Variants in SLC1A6 observed in about 807,000 individuals in gnomAD.
The protein encoded by SLC1A6 is solute carrier family 1 member 6.
A neutral mutation model predicts 42.1 loss-of-function variants in SLC1A6; 15 were observed. That is an observed-to-expected ratio of 0.36 (90% CI 0.24 to 0.55). The LOEUF is 0.55. Ranked by LOEUF, SLC1A6 falls within the 20% of genes least tolerant of loss-of-function variation. SLC1A6 has a pLI of 0.88. For missense variants in SLC1A6, 542 were observed against 772.5 expected (o/e 0.70, Z 3.54); for synonymous variants, 317 against 319.7 (o/e 0.99, Z 0.09).
rs1249181280 is a variant in SLC1A6, at chr19:14,964,253, C to G, written c.591+66G>C. 3 of 1,368,956 alleles carry G rather than the reference C, an allele frequency of 2.2e-6. No individual in the cohort carries two copies. In the African/African-American group the frequency reaches 4.3e-5, roughly 19 times the overall value. The allele number at this position is 1,368,956 out of a possible 1,614,324, so 84.8% of individuals were successfully genotyped here. On this transcript the variant is annotated intron_variant, in intron 5 of 9. Coordinates refer to ENST00000594383, the MANE Select transcript of SLC1A6 (RefSeq NM_005071.3). ...CTCCCGCCTCTTGCCCTTGGACCATCCCTTCAGCCCCAAGCTCCCACCACC... is the reference window on the plus strand; with the variant it reads ...CTCCCGCCTCTTGCCCTTGGACCATGCCTTCAGCCCCAAGCTCCCACCACC...
At chr19:14,996,859 T>G (rs1381249483) in intron 1 of SLC1A6, among the ~76,000 whole-genome samples, 4 of 151,814 alleles carry the variant, frequency 2.6e-5, no homozygotes, top group African/African-American at 9.7e-5. Flanking sequence ...CTCCAGGAGG[T>G]AGAAAGGATG....
chr19:14,976,945 G>A (rs897236126), intron 1 of SLC1A6: 1 of 151,004 alleles, frequency 6.6e-6, no homozygotes, highest in African/African-American at 2.4e-5. Flanking sequence ...GTCCTCTAGA[G>A]CTAATCCAAA....
intron 7 of SLC1A6, among the ~76,000 whole-genome samples, chr19:14,955,401 C>T (rs886307441): frequency 5.3e-5 from 8 of 151,638 alleles, no homozygotes; most frequent in African/African-American, 1.9e-4. Flanking sequence ...GCCAACATGG[C>T]AAAACCCCGT....
intron 1 of SLC1A6, among the ~76,000 whole-genome samples, chr19:14,986,097 AG>A (rs1479582403): frequency 9.4e-6 from 1 of 106,526 alleles, no homozygotes; most frequent in Non-Finnish European, 1.9e-5. Context: ...TCACACAAGC[AG>A]TAATTTTTTT....
At chr19:14,960,255 A>G (rs1342263329) in intron 6 of SLC1A6, among the ~76,000 whole-genome samples, 2 of 152,254 alleles carry the variant, frequency 1.3e-5, no homozygotes, top group East Asian at 3.8e-4. Flanking sequence ...GAATAAATGA[A>G]TGAAAGAATA....
chr19:14,964,905 C>T (rs1368191341), intron 4 of SLC1A6, among the ~76,000 whole-genome samples: 1 of 151,996 alleles, frequency 6.6e-6, no homozygotes. Context: ...GAACAGCCAT[C>T]ATTAAAGAGT....
intron 2 of SLC1A6, 109 bp downstream of exon 2, chr19:14,972,597 G>A (rs902917822): frequency 1.4e-5 from 12 of 851,570 alleles, no homozygotes; most frequent in Non-Finnish European, 2.3e-5. Flanking sequence ...TGGGACGTGT[G>A]TGCAGGTGAG....
intron 8 of SLC1A6, among the ~76,000 whole-genome samples, chr19:14,953,884 C>T (rs1193438887): frequency 1.3e-5 from 2 of 152,190 alleles, no homozygotes; most frequent in African/African-American, 2.4e-5. Flanking sequence ...TTGGAAAACA[C>T]TGGACAAATG....
chr19:15,004,033 G>A (rs547156354), intron 1 of SLC1A6, among the ~76,000 whole-genome samples: 1 of 152,086 alleles, frequency 6.6e-6, no homozygotes, highest in African/African-American at 2.4e-5. Context: ...GTGGGCCCCT[G>A]TAGTCCCAGC....
At chr19:14,983,121 CA>C (rs1332722975), upstream of SLC1A6, among the ~76,000 whole-genome samples, 1 of 152,144 alleles carries the variant, frequency 6.6e-6, no homozygotes, top group African/African-American at 2.4e-5. Context: ...GAGATTCTGA[CA>C]TTTTTCTGGG....
At chr19:14,977,656 C>G (rs1600020300) in intron 1 of SLC1A6, 1 of 152,178 alleles carries the variant, frequency 6.6e-6, no homozygotes, top group East Asian at 1.9e-4. Flanking sequence ...TGGCCTGTGC[C>G]TGTAGTCCTA....
At chr19:14,963,998 T>TG (rs1428073192) in intron 5 of SLC1A6, 1 of 196,038 alleles carries the variant, frequency 5.1e-6, no homozygotes, top group Non-Finnish European at 1.0e-5. Context: ...TTTTAATCTT[T>TG]TTTTTTTTTT....
intron 5 of SLC1A6, among the ~76,000 whole-genome samples, chr19:14,962,647 GTAA>G (rs2045528069): frequency 1.3e-5 from 2 of 152,222 alleles, no homozygotes; most frequent in Non-Finnish European, 2.9e-5. Context: ...GCTCACGCCT[GTAA>G]TCCCAGCACT....
chr19:14,961,830 T>A (rs1343069452), intron 6 of SLC1A6, 172 bp downstream of exon 6: 1 of 923,952 alleles, frequency 1.1e-6, no homozygotes, highest in Non-Finnish European at 1.6e-6. Context: ...AGTCAACTAG[T>A]GATGAAATCA....
At chr19:15,000,235 A>G (rs887801786) in intron 1 of SLC1A6, among the ~76,000 whole-genome samples, 4 of 152,148 alleles carry the variant, frequency 2.6e-5, no homozygotes, top group Non-Finnish European at 5.9e-5. Context: ...TCAGGATGTA[A>G]CCTTATCATA....
At chr19:14,998,896 T>TTTA (rs773825343) in intron 1 of SLC1A6, among the ~76,000 whole-genome samples, 10,864 of 94,620 alleles carry the variant, frequency 0.11, 488 homozygotes, top group Non-Finnish European at 0.13. Flanking sequence ...TTATTTATTT[T>TTTA]TAATGGAGTC....
chr19:14,993,099 C>T (rs1279482176), intron 1 of SLC1A6, among the ~76,000 whole-genome samples: 6 of 152,008 alleles, frequency 3.9e-5, no homozygotes, highest in Non-Finnish European at 7.4e-5. Context: ...ACCAGAGTGG[C>T]CTGATATGCA....
chr19:14,968,733 T>C (rs2045603399), intron 3 of SLC1A6, among the ~76,000 whole-genome samples: 1 of 151,850 alleles, frequency 6.6e-6, no homozygotes, highest in Non-Finnish European at 1.5e-5. Context: ...CCAACCCTTA[T>C]CCCAAGCAGC....
intron 7 of SLC1A6, among the ~76,000 whole-genome samples, chr19:14,955,720 A>T (rs1006418309): frequency 1.3e-5 from 2 of 152,070 alleles, no homozygotes; most frequent in Non-Finnish European, 2.9e-5. Flanking sequence ...AGATCACATG[A>T]GGCCAGGTGT....
Sources: allele counts gnomAD v4.1 joint callset (sites outside exome capture counted in the v4.1 genomes callset), GRCh38; gene constraint gnomAD v4.1.1; transcripts MANE v1.5; gene names NCBI Gene and HGNC (gene_info 2026-07-23, HGNC 2026-07-21).